SLC25A46: variants seen among roughly 807,000 people sequenced by gnomAD.
The protein encoded by SLC25A46 is mitochondrial outer membrane protein SLC25A46.
Under a neutral mutation model 44.6 loss-of-function variants are expected in SLC25A46, and 39 were observed. The observed-to-expected ratio is 0.87, with a 90% confidence interval of 0.68 to 1.14. The LOEUF (loss-of-function observed/expected upper bound fraction) is 1.14. Among genes scored for constraint, SLC25A46 ranks in the 50% most tolerant of loss-of-function variants. The probability of loss-of-function intolerance (pLI) is 0.00; values close to 1 mark genes in which losing one functional copy is unlikely to be tolerated. For synonymous variants in SLC25A46, 202 were observed against 185.8 expected, an observed-to-expected ratio of 1.09 and a Z score of -0.71; for missense variants, 547 against 522.7, an observed-to-expected ratio of 1.05 and a Z score of -0.45.
At chr5:110,752,572 C>T (rs529703416) in intron 5 of SLC25A46, among the ~76,000 whole-genome samples, 9 of 152,148 alleles carry the variant, frequency 5.9e-5, no homozygotes, top group Admixed American at 2.0e-4. Context: ...TTTCCTCCAA[C>T]GGTTCCCTCC....
At chr5:110,757,055 T>C (rs1225869778) in intron 7 of SLC25A46, 1 of 233,652 alleles carries the variant, frequency 4.3e-6, no homozygotes, top group Non-Finnish European at 8.1e-6. Context: ...TCTATAAACT[T>C]TTTAAGGCCC....
intron 3 of SLC25A46, chr5:110,746,046 G>T: frequency 2.2e-6 from 1 of 463,996 alleles, no homozygotes; most frequent in Non-Finnish European, 3.8e-6. Flanking sequence ...AGTACTGTGT[G>T]TATTATGCAT....
chr5:110,746,430 T>C (rs1322473487), intron 4 of SLC25A46, 84 bp downstream of exon 4: 1 of 886,700 alleles, frequency 1.1e-6, no homozygotes, highest in Non-Finnish European at 1.7e-6. Flanking sequence ...ATAATTACTT[T>C]CAGTTTGGTC....
intron 2 of SLC25A46, among the ~76,000 whole-genome samples, chr5:110,742,951 G>A (rs982604055): frequency 1.3e-5 from 2 of 151,792 alleles, no homozygotes; most frequent in African/African-American, 4.8e-5. Flanking sequence ...ACATTTTAAC[G>A]AAGAAAAACA....
chr5:110,741,975 G>T (rs995576946), intron 1 of SLC25A46, 72 bp from the exon 2 acceptor site: 3 of 1,068,708 alleles, frequency 2.8e-6, no homozygotes, highest in Non-Finnish European at 4.1e-6. Flanking sequence ...ATTGTTTTGA[G>T]ACTAAACCTA....
rs1292379289 is a variant in SLC25A46 at position 110,761,256 on chromosome 5, T to C, written c.731T>C (p.Ile244Thr). ...ATTTTGGAGTGTGTTAAAGAAGGAA[T>C]TGGAAGAGTGATAGGCATGGGAGTG... ...TGILECVKEG[I>T]GRVIGMGVPH... The change falls in exon 8 of 8, where the codon ATT (isoleucine) becomes ACT (threonine). Residue 244 changes from isoleucine (I) to threonine (T), a missense_variant. Transcript: ENST00000355943. The surrounding 1 kb of genome is among the most constrained non-coding windows in gnomAD (Gnocchi z 5.3). 15 of 1,613,240 alleles carry C rather than the reference T, an allele frequency of 9.3e-6. No individual in the cohort carries two copies. The highest frequency in any genetic ancestry group is 1.3e-5 in the African/African-American group (1 of 74,872).
chr5:110,748,490 A>T (rs1344313223), intron 5 of SLC25A46, among the ~76,000 whole-genome samples: 1 of 152,162 alleles, frequency 6.6e-6, no homozygotes, highest in Non-Finnish European at 1.5e-5. Flanking sequence ...TTAATAATAA[A>T]TAAAAAATAC....
Position 110,762,383 on chromosome 5 carries a change from A to G in SLC25A46, c.*601A>G, listed in dbSNP as rs536244710. On this transcript the variant is annotated 3_prime_UTR_variant, in exon 8 of 8. Transcript: ENST00000355943. ...GTATTTTATAAAGCCATTTATGTATACACATGTAACTTGGAATTTCCTTCA... is the reference window on the plus strand; with the variant it reads ...GTATTTTATAAAGCCATTTATGTATGCACATGTAACTTGGAATTTCCTTCA... The G allele has an allele frequency of 6.6e-6, 1 of 151,928 alleles. No individual in the cohort carries two copies. Among genetic ancestry groups the G allele is most frequent in the Non-Finnish European group, 1.5e-5 (1 of 67,976 alleles). The allele number at this position is 151,928 out of a possible 1,614,324, so 9.4% of individuals were successfully genotyped here.
chr5:110,738,881 A>G, upstream of SLC25A46: 1 of 1,002,364 alleles, frequency 1.0e-6, no homozygotes, highest in Non-Finnish European at 1.4e-6. Flanking sequence ...CCTAACGACA[A>G]CAAACTTTTA....
Position 110,764,724 on chromosome 5 carries a change from A to G in SLC25A46, c.*2942A>G, listed in dbSNP as rs887108870. ...GTTTTATCAGCTGAGGTTGTGGAGG[A>G]TTTTTGTCCACTGATCTTTTGCAAC... On this transcript the variant is annotated 3_prime_UTR_variant, in exon 8 of 8. Transcript: ENST00000355943. 3.3e-5 allele frequency: 5 copies of G among 151,978 alleles called. No homozygotes were observed. The highest frequency in any genetic ancestry group is 3.4e-3 in the Middle Eastern group (1 of 294). 9.4% of individuals were successfully genotyped at this position (151,978 alleles called of 1,614,324 possible).
At chr5:110,752,932 C>T (rs1241439659) in intron 5 of SLC25A46, among the ~76,000 whole-genome samples, 1 of 151,984 alleles carries the variant, frequency 6.6e-6, no homozygotes, top group Non-Finnish European at 1.5e-5. Context: ...GAACTCCAAC[C>T]AAGGGGTGGC....
Position 110,764,787 on chromosome 5 carries a change from AG to A in SLC25A46, c.*3007del, listed in dbSNP as rs151009167. The A allele has an allele frequency of 6.0e-3, 908 of 152,116 alleles. 9 individuals carry two copies. The highest frequency in any genetic ancestry group is 0.021 in the African/African-American group (859 of 41,558). The allele number at this position is 152,116 out of a possible 1,614,324, so 9.4% of individuals were successfully genotyped here. A position where few individuals can be genotyped will look rare whatever the true frequency, so the allele number is the denominator to read the frequency against. On this transcript the variant is annotated 3_prime_UTR_variant, in exon 8 of 8. Coordinates refer to ENST00000355943, the MANE Select transcript of SLC25A46 (RefSeq NM_138773.4). ...TTTGTCAGCTTCTAATAAGATAGCC[AG>A]GTTTGAATTATTTGCAAAATTTATA...
At chr5:110,760,624 T>C (rs374077057) in intron 7 of SLC25A46, among the ~76,000 whole-genome samples, 21 of 152,148 alleles carry the variant, frequency 1.4e-4, no homozygotes, top group African/African-American at 4.3e-4. Context: ...ACATCAAACT[T>C]TCTTATTCAT....
upstream of SLC25A46, chr5:110,738,985 T>A: frequency 6.9e-7 from 1 of 1,458,224 alleles, no homozygotes. Flanking sequence ...CTTCCGGGTT[T>A]CCAACGTGAC....
In SLC25A46 at chr5:110,762,985, T is replaced by C. The variant is rs1800295128; in HGVS notation, c.*1203T>C. ...ACCTTAAAGGAAATGTGCCCTTGTA[T>C]TTTATGGGTGAGGGGAAAAAGTACA... On this transcript the variant is annotated 3_prime_UTR_variant, in exon 8 of 8. Transcript: ENST00000355943. 1 of 151,902 alleles carries C rather than the reference T, an allele frequency of 6.6e-6. No homozygotes were observed. The highest frequency in any genetic ancestry group is 2.1e-4 in the South Asian group (1 of 4,824). 9.4% of individuals were successfully genotyped at this position (151,902 alleles called of 1,614,324 possible).
At position 110,739,098 on chromosome 5, in the gene SLC25A46, G is replaced by C; in HGVS notation, c.-22G>C. 6.5e-7 allele frequency: 1 copy of C among 1,542,216 alleles called. No individual in the cohort carries two copies. Among genetic ancestry groups the C allele is most frequent in the Non-Finnish European group, 8.7e-7 (1 of 1,145,998 alleles). On this transcript the variant is annotated 5_prime_UTR_variant, in exon 1 of 8. Coordinates refer to ENST00000355943, the MANE Select transcript of SLC25A46 (RefSeq NM_138773.4). ...GTGGTGGTGGGCTCCGGGCGGGCTC[G>C]CGTCATCCTGCCCCCGCTGCGATGC...
intron 5 of SLC25A46, chr5:110,754,674 C>G (rs953193167): frequency 3.3e-5 from 5 of 151,946 alleles, no homozygotes; most frequent in African/African-American, 1.2e-4. Flanking sequence ...TTCCTGTGAT[C>G]TTTTTGACCC....
chr5:110,743,825 C>G, intron 3 of SLC25A46, 38 bp downstream of exon 3: 2 of 1,514,472 alleles, frequency 1.3e-6, no homozygotes, highest in Non-Finnish European at 1.8e-6. Flanking sequence ...AGCAATACTT[C>G]TGACCCTAAT....
intron 5 of SLC25A46, among the ~76,000 whole-genome samples, chr5:110,749,889 A>G (rs1177148791): frequency 6.6e-6 from 1 of 152,162 alleles, no homozygotes; most frequent in Non-Finnish European, 1.5e-5. Flanking sequence ...GCTATTTGGC[A>G]TTACTCTGAT....
Sources: allele counts gnomAD v4.1 joint callset (sites outside exome capture counted in the v4.1 genomes callset), GRCh38; gene constraint gnomAD v4.1.1; non-coding constraint Gnocchi (gnomAD v3.1); transcripts MANE v1.5; gene names NCBI Gene and HGNC (gene_info 2026-07-23, HGNC 2026-07-21).